Variants in UBL3 observed in about 807,000 individuals in gnomAD.
UBL3 encodes the protein ubiquitin-like protein 3.
In UBL3, 6 loss-of-function variants were observed where a neutral mutation model predicts 18.4. The observed-to-expected ratio is 0.33, with a 90% CI of 0.18 to 0.64. The LOEUF (loss-of-function observed/expected upper bound fraction) is 0.64, where lower values mean the gene tolerates loss of function less well. Ranked by LOEUF, UBL3 falls within the 30% of genes least tolerant of loss-of-function variation. UBL3 has a pLI of 0.76. For synonymous variants in UBL3, 49 were observed against 46.6 expected, an observed-to-expected ratio of 1.05 and a Z score of -0.21; for missense variants, 109 against 142.9, an observed-to-expected ratio of 0.76 and a Z score of 1.21.
At position 29,768,512 on chromosome 13, in the gene UBL3, A is replaced by G. The variant is rs574611013; in HGVS notation, c.224-817T>C. ...TCTTCAAAAACTACAAACTGAAGTAAGGCCTAAGATCATCACTTAGCAATA... is the reference window on the plus strand; with the variant it reads ...TCTTCAAAAACTACAAACTGAAGTAGGGCCTAAGATCATCACTTAGCAATA... On this transcript the variant is annotated intron_variant, in intron 3 of 4. Coordinates refer to ENST00000380680, the MANE Select transcript of UBL3 (RefSeq NM_007106.4). 6.1e-4 allele frequency among the ~76,000 whole-genome samples: 93 copies of G among 152,206 alleles called. No individual in the cohort carries two copies. The Middle Eastern group carries it at 0.01, about 17-fold the overall frequency.
intron 1 of UBL3, among the ~76,000 whole-genome samples, chr13:29,800,091 T>C (rs1400374420): frequency 1.3e-5 from 2 of 152,230 alleles, no homozygotes; most frequent in Non-Finnish European, 1.5e-5. Flanking sequence ...TAAAATCCAA[T>C]TGCTGAACAG....
In UBL3 at chr13:29,805,038, A is replaced by G. The variant is rs529329849; in HGVS notation, c.28-27775T>C. On this transcript the variant is annotated intron_variant, in intron 1 of 4. Transcript: ENST00000380680. ...TCTCAGGTAACAGTACTAACTTGAA[A>G]GAGCCAGATTATTAAATATCAAAAT... Among the ~76,000 whole-genome samples the G allele has an allele frequency of 7.0e-4, 106 of 152,356 alleles. 1 individual carries two copies. The highest frequency in any genetic ancestry group is 1.5e-3 in the South Asian group (7 of 4,824).
At chr13:29,821,658 C>T (rs1878452397) in intron 1 of UBL3, among the ~76,000 whole-genome samples, 1 of 152,170 alleles carries the variant, frequency 6.6e-6, no homozygotes, top group Admixed American at 6.5e-5. Flanking sequence ...TACATACGTA[C>T]TCCACAGGTA....
intron 1 of UBL3, among the ~76,000 whole-genome samples, chr13:29,796,190 G>A (rs1355846139): frequency 1.3e-5 from 2 of 152,044 alleles, no homozygotes; most frequent in African/African-American, 4.8e-5. Flanking sequence ...AGTGGTTTTT[G>A]TGCCAGGAGT....
intron 1 of UBL3, among the ~76,000 whole-genome samples, chr13:29,804,221 T>C (rs1877844562): frequency 6.6e-6 from 1 of 152,060 alleles, no homozygotes; most frequent in East Asian, 1.9e-4. Flanking sequence ...GAATGACCTT[T>C]GGGTAAACAA....
At position 29,846,257 on chromosome 13, in the gene UBL3, A is replaced by G. The variant is rs189693007; in HGVS notation, c.27+3255T>C. Among the ~76,000 whole-genome samples, 294 of 152,280 alleles carry G rather than the reference A, an allele frequency of 1.9e-3. 1 individual carries two copies. The highest frequency in any genetic ancestry group is 6.7e-3 in the African/African-American group (278 of 41,578). ...GATTTTTTCACAAATAAGTTACTACACTAAGATGTTATTAAATCTAGTTCA... is the reference window on the plus strand; with the variant it reads ...GATTTTTTCACAAATAAGTTACTACGCTAAGATGTTATTAAATCTAGTTCA... On this transcript the variant is annotated intron_variant, in intron 1 of 4. Transcript: ENST00000380680.
chr13:29,815,617 C>T (rs760609169), intron 1 of UBL3, among the ~76,000 whole-genome samples: 3 of 152,066 alleles, frequency 2.0e-5, no homozygotes, highest in Non-Finnish European at 4.4e-5. Context: ...CAACCCAGAA[C>T]CATAAAATAA....
In UBL3 at chr13:29,850,325, T is replaced by C. The variant is rs529117481; in HGVS notation, c.-787A>G. 27 of 153,236 alleles carry C rather than the reference T, an allele frequency of 1.8e-4. 1 individual carries two copies. In the East Asian group the frequency reaches 3.1e-3, roughly 18 times the overall value. 9.5% of individuals were successfully genotyped at this position (153,236 alleles called of 1,614,324 possible). The stretch of plus-strand genomic sequence containing the variant: ...GGGGTCGGGGCGCATCGTCTCCGGC[T>C]CCTCGCCACTCCTCTTCTGCCTCCG... On this transcript the variant is annotated 5_prime_UTR_variant, in exon 1 of 5. Coordinates refer to ENST00000380680, the MANE Select transcript of UBL3 (RefSeq NM_007106.4).
chr13:29,796,114 T>C (rs1005169774), intron 1 of UBL3, among the ~76,000 whole-genome samples: 5 of 152,086 alleles, frequency 3.3e-5, no homozygotes, highest in African/African-American at 7.2e-5. Context: ...TATAAATAAT[T>C]AGACGATAAA....
chr13:29,794,225 C>T (rs1389202615), intron 1 of UBL3, among the ~76,000 whole-genome samples: 1 of 150,962 alleles, frequency 6.6e-6, no homozygotes. Flanking sequence ...ATTATCCTTA[C>T]TTTATCTTAA....
At chr13:29,788,806 T>G (rs546767370) in intron 1 of UBL3, among the ~76,000 whole-genome samples, 44 of 150,466 alleles carry the variant, frequency 2.9e-4, no homozygotes, top group African/African-American at 1.0e-3. Context: ...ACAATGCAGT[T>G]GCCAGGGAAT....
chr13:29,835,106 AAAT>A (rs1878895854), intron 1 of UBL3, among the ~76,000 whole-genome samples: 4 of 28,228 alleles, frequency 1.4e-4, no homozygotes, highest in African/African-American at 1.4e-3. Context: ...ATATATATAT[AAAT>A]ATATATATAT....
intron 3 of UBL3, among the ~76,000 whole-genome samples, chr13:29,769,224 A>T (rs1462522058): frequency 1.3e-5 from 2 of 152,114 alleles, no homozygotes; most frequent in East Asian, 3.8e-4. Context: ...ACTGAGATAT[A>T]TATGTAAAAA....
intron 1 of UBL3, among the ~76,000 whole-genome samples, chr13:29,818,905 C>T (rs1043532178): frequency 1.3e-5 from 2 of 152,060 alleles, no homozygotes; most frequent in African/African-American, 2.4e-5. Context: ...TCTTTACATG[C>T]TTTATATCTG....
In UBL3 at chr13:29,850,305, C is replaced by A; in HGVS notation, c.-767G>T. On this transcript the variant is annotated 5_prime_UTR_variant, in exon 1 of 5. Transcript: ENST00000380680. Reference sequence around the variant, plus strand: ...GGCGCCTCCGGACAGCAGCTGGGGTCGGGGCGCATCGTCTCCGGCTCCTCG... The same window carrying A: ...GGCGCCTCCGGACAGCAGCTGGGGTAGGGGCGCATCGTCTCCGGCTCCTCG... The A allele has an allele frequency of 6.5e-6, 1 of 153,196 alleles. No homozygotes were observed. The highest frequency in any genetic ancestry group is 1.8e-4 in the South Asian group (1 of 5,588). 9.5% of individuals were successfully genotyped at this position (153,196 alleles called of 1,614,324 possible).
At chr13:29,833,248 G>C (rs981103878) in intron 1 of UBL3, among the ~76,000 whole-genome samples, 2 of 150,762 alleles carry the variant, frequency 1.3e-5, no homozygotes, top group Non-Finnish European at 2.9e-5. Flanking sequence ...GCGGACCGCA[G>C]TGGATGACTA....
intron 1 of UBL3, among the ~76,000 whole-genome samples, chr13:29,783,213 T>C (rs1425514642): frequency 6.6e-6 from 1 of 152,250 alleles, no homozygotes; most frequent in East Asian, 1.9e-4. Flanking sequence ...ATCTTTACTG[T>C]CAGCAACATG....
At chr13:29,768,647 A>G (rs1876754958) in intron 3 of UBL3, among the ~76,000 whole-genome samples, 1 of 152,002 alleles carries the variant, frequency 6.6e-6, no homozygotes, top group South Asian at 2.1e-4. Flanking sequence ...GTACTATTTC[A>G]TATATTCAAG....
chr13:29,772,398 G>T (rs1876866304), intron 2 of UBL3, among the ~76,000 whole-genome samples, 200 bp from the exon 3 acceptor site: 2 of 152,028 alleles, frequency 1.3e-5, no homozygotes, highest in Admixed American at 1.3e-4. Context: ...AGCAAGAGCT[G>T]CAAAAAGACT....
Sources: allele counts gnomAD v4.1 joint callset (sites outside exome capture counted in the v4.1 genomes callset), GRCh38; gene constraint gnomAD v4.1.1; transcripts MANE v1.5; gene names NCBI Gene and HGNC (gene_info 2026-07-23, HGNC 2026-07-21).